IKZF2: variants seen among roughly 807,000 people sequenced by gnomAD.
IKZF2 encodes IKAROS family zinc finger 2.
In IKZF2, 15 loss-of-function variants were observed where a neutral mutation model predicts 49.2. The observed-to-expected ratio is 0.30, with a 90% confidence interval of 0.20 to 0.47. The LOEUF (loss-of-function observed/expected upper bound fraction) is 0.47, where lower values mean the gene tolerates loss of function less well. Among genes scored for constraint, IKZF2 ranks in the 20% least tolerant of loss-of-function variants. The pLI is 1.00. For missense variants in IKZF2, 567 were observed against 664.6 expected (o/e 0.85, Z 1.61); for synonymous variants, 227 against 221.4 (o/e 1.03, Z -0.23).
intron 7 of IKZF2, chr2:213,017,062 C>A (rs1211868818): frequency 6.6e-6 from 1 of 152,086 alleles, no homozygotes; most frequent in African/African-American, 2.4e-5. Context: ...AAAAACTTTA[C>A]AGTTATCTTA....
intron 4 of IKZF2, among the ~76,000 whole-genome samples, chr2:213,100,547 T>C (rs1001950699): frequency 2.0e-5 from 3 of 152,068 alleles, no homozygotes; most frequent in Non-Finnish European, 4.4e-5. Flanking sequence ...TTTAACATAC[T>C]GTCTTAAAAG....
At chr2:213,098,969 T>C (rs201862824) in intron 4 of IKZF2, among the ~76,000 whole-genome samples, 1 of 151,874 alleles carries the variant, frequency 6.6e-6, no homozygotes, top group Non-Finnish European at 1.5e-5. Context: ...CCCTTGATAG[T>C]TTTTATCCTC....
chr2:213,099,994 C>T (rs1226528676), intron 4 of IKZF2, among the ~76,000 whole-genome samples: 1 of 151,948 alleles, frequency 6.6e-6, no homozygotes, highest in Admixed American at 6.6e-5. Context: ...TATGGTTATC[C>T]ACATAAGTTA....
At chr2:213,064,555 C>T (rs1701999789) in intron 4 of IKZF2, among the ~76,000 whole-genome samples, 1 of 151,918 alleles carries the variant, frequency 6.6e-6, no homozygotes, top group Non-Finnish European at 1.5e-5. Context: ...CCATTGTGGC[C>T]CACAGACGGA....
At chr2:213,018,000 T>C (rs911618925) in intron 7 of IKZF2, among the ~76,000 whole-genome samples, 6 of 152,144 alleles carry the variant, frequency 3.9e-5, no homozygotes, top group Non-Finnish European at 7.4e-5. Context: ...TGCCCAATAA[T>C]GCCTCTATAC....
chr2:213,061,493 T>TAAA (rs376159502), intron 4 of IKZF2, among the ~76,000 whole-genome samples: 52 of 145,326 alleles, frequency 3.6e-4, no homozygotes, highest in African/African-American at 1.0e-3. Context: ...CTTGAAAAAG[T>TAAA]AAAAAAAAAA....
chr2:213,031,657 A>G (rs544861892), intron 6 of IKZF2, among the ~76,000 whole-genome samples: 4 of 152,302 alleles, frequency 2.6e-5, no homozygotes, highest in African/African-American at 9.6e-5. Context: ...ACGAAGCAAA[A>G]TATACATTGT....
At chr2:213,095,869 A>T (rs7564792) in intron 4 of IKZF2, among the ~76,000 whole-genome samples, 1 of 151,832 alleles carries the variant, frequency 6.6e-6, no homozygotes, top group Non-Finnish European at 1.5e-5. Flanking sequence ...TATTGTTTCT[A>T]TCTACTAACG....
At chr2:213,084,920 T>A (rs943158795) in intron 4 of IKZF2, among the ~76,000 whole-genome samples, 28 of 152,190 alleles carry the variant, frequency 1.8e-4, no homozygotes, top group Non-Finnish European at 3.8e-4. Flanking sequence ...CCTAAAAGAA[T>A]ATCCCTTTCT....
chr2:213,089,022 T>G (rs1435018890), intron 4 of IKZF2, among the ~76,000 whole-genome samples: 1 of 152,214 alleles, frequency 6.6e-6, no homozygotes, highest in Non-Finnish European at 1.5e-5. Context: ...AGGAGCATCC[T>G]GGCTCTCGAA....
Position 213,146,763 on chromosome 2 carries a change from G to C in IKZF2, c.139+945C>G, listed in dbSNP as rs991370123. Among the ~76,000 whole-genome samples, 4 of 133,390 alleles carry C rather than the reference G, an allele frequency of 3.0e-5. No homozygotes were observed. The South Asian group carries it at 7.7e-4, about 26-fold the overall frequency. 87.5% of individuals were successfully genotyped at this position (133,390 alleles called of 152,430 possible). ...TTTTCTTAGTTATTAAATCTTCGGGGGGGGGGAAGGAAAGAGAATGCCTTT... is the reference window on the plus strand; with the variant it reads ...TTTTCTTAGTTATTAAATCTTCGGGCGGGGGGAAGGAAAGAGAATGCCTTT... On this transcript the variant is annotated intron_variant, in intron 4 of 8. Transcript: ENST00000434687.
intron 4 of IKZF2, among the ~76,000 whole-genome samples, chr2:213,122,206 C>T (rs1204231782): frequency 2.6e-5 from 4 of 152,174 alleles, no homozygotes; most frequent in African/African-American, 9.7e-5. Context: ...CCACCCAACC[C>T]TAAAGATGCA....
chr2:213,035,492 A>T (rs1018637558), intron 6 of IKZF2, among the ~76,000 whole-genome samples: 2 of 152,198 alleles, frequency 1.3e-5, no homozygotes, highest in African/African-American at 4.8e-5. Context: ...ATAGCAAAAT[A>T]GAACTAAGGG....
At chr2:213,012,900 G>A (rs1696126793) in intron 8 of IKZF2, among the ~76,000 whole-genome samples, 1 of 151,906 alleles carries the variant, frequency 6.6e-6, no homozygotes. Flanking sequence ...TATATACAAT[G>A]AATAACAATT....
chr2:213,048,174 A>G (rs992924888), intron 6 of IKZF2, among the ~76,000 whole-genome samples: 1 of 152,252 alleles, frequency 6.6e-6, no homozygotes, highest in East Asian at 1.9e-4. Flanking sequence ...TGAATTACCC[A>G]ATTTGAATAT....
At chr2:213,086,264 T>G (rs1283309297) in intron 4 of IKZF2, among the ~76,000 whole-genome samples, 2 of 152,212 alleles carry the variant, frequency 1.3e-5, no homozygotes, top group Non-Finnish European at 2.9e-5. Flanking sequence ...ATCCCTGGAA[T>G]GCTGTAACTG....
chr2:213,052,727 A>T (rs1028320787), intron 5 of IKZF2, among the ~76,000 whole-genome samples: 1 of 152,098 alleles, frequency 6.6e-6, no homozygotes, highest in Admixed American at 6.6e-5. Flanking sequence ...AGTAATATCC[A>T]TATCTGTCTA....
intron 4 of IKZF2, among the ~76,000 whole-genome samples, chr2:213,145,201 A>G (rs996075089): frequency 6.6e-6 from 1 of 150,394 alleles, no homozygotes; most frequent in Non-Finnish European, 1.5e-5. Flanking sequence ...TACTTATTTT[A>G]TTTTTTTAAC....
At chr2:213,035,676 G>C (rs905467594) in intron 6 of IKZF2, among the ~76,000 whole-genome samples, 1 of 152,156 alleles carries the variant, frequency 6.6e-6, no homozygotes, top group Non-Finnish European at 1.5e-5. Flanking sequence ...AAGAAACCTC[G>C]GGTTGCAAAG....
Sources: gnomAD v4.1 joint callset for allele counts (sites outside exome capture counted in the v4.1 genomes callset) on GRCh38, gnomAD v4.1.1 for gene constraint, MANE v1.5 for transcripts, NCBI Gene and HGNC (gene_info 2026-07-23, HGNC 2026-07-21) for gene names.